MAST4: variants seen among roughly 807,000 people sequenced by gnomAD.
MAST4 encodes the protein microtubule-associated serine/threonine-protein kinase 4.
In MAST4, 89 loss-of-function variants were observed where a neutral mutation model predicts 162.7. The observed-to-expected ratio is 0.55, with a 90% CI of 0.46 to 0.65. MAST4 has a LOEUF of 0.65. Ranked by LOEUF, MAST4 falls within the 30% of genes least tolerant of loss-of-function variation. The pLI, the probability that MAST4 is intolerant of heterozygous loss-of-function variation, is 0.00. For missense variants in MAST4, 3,153 were observed against 3,374.0 expected (o/e 0.93, Z 1.62); for synonymous variants, 1,479 against 1,361.1 (o/e 1.09, Z -1.91).
chr5:66,921,238 A>G (rs557754415), intron 4 of MAST4, among the ~76,000 whole-genome samples: 3 of 152,334 alleles, frequency 2.0e-5, no homozygotes, highest in East Asian at 3.9e-4. Flanking sequence ...GGTACTAAGC[A>G]AATGAGTATT....
At chr5:66,952,091 G>A (rs1041164238) in intron 4 of MAST4, among the ~76,000 whole-genome samples, 2 of 152,110 alleles carry the variant, frequency 1.3e-5, no homozygotes, top group African/African-American at 4.8e-5. Flanking sequence ...CTTGAGAAGA[G>A]GTGTACAGGT....
chr5:66,960,397 C>G (rs1561481462), intron 4 of MAST4, among the ~76,000 whole-genome samples: 1 of 152,174 alleles, frequency 6.6e-6, no homozygotes, highest in Non-Finnish European at 1.5e-5. Context: ...AGGGCTCTCA[C>G]AACCTTCTTG....
intron 3 of MAST4, among the ~76,000 whole-genome samples, chr5:66,873,635 T>G (rs1761095705): frequency 6.6e-6 from 1 of 152,246 alleles, no homozygotes; most frequent in South Asian, 2.1e-4. Flanking sequence ...ACCAGCTCTG[T>G]GGACTTGGGT....
chr5:67,066,954 A>G (rs1760317087), intron 5 of MAST4, among the ~76,000 whole-genome samples: 1 of 152,190 alleles, frequency 6.6e-6, no homozygotes. Context: ...CCTCTCCAGT[A>G]TGTTCTCCCT....
intron 4 of MAST4, among the ~76,000 whole-genome samples, chr5:67,038,155 G>A (rs931371394): frequency 6.6e-6 from 1 of 151,630 alleles, no homozygotes; most frequent in Non-Finnish European, 1.5e-5. Flanking sequence ...TGTCTACCTG[G>A]CTATTGAAAT....
chr5:66,838,755 C>T (rs1031629143), intron 3 of MAST4, among the ~76,000 whole-genome samples: 2 of 152,094 alleles, frequency 1.3e-5, no homozygotes, highest in Non-Finnish European at 2.9e-5. Flanking sequence ...ACAGTGTGTG[C>T]AAGGTGTGGT....
At chr5:66,985,983 G>A (rs1749440078) in intron 4 of MAST4, among the ~76,000 whole-genome samples, 1 of 152,150 alleles carries the variant, frequency 6.6e-6, no homozygotes, top group Admixed American at 6.5e-5. Context: ...AACATATATT[G>A]ATTGCCAATA....
chr5:67,044,927 G>A (rs753253804), intron 4 of MAST4, among the ~76,000 whole-genome samples: 3 of 152,136 alleles, frequency 2.0e-5, no homozygotes, highest in Non-Finnish European at 4.4e-5. Flanking sequence ...GTTCCAGTAG[G>A]ATGTTTCATA....
At chr5:66,698,460 A>G (rs912676874) in intron 1 of MAST4, among the ~76,000 whole-genome samples, 5 of 142,356 alleles carry the variant, frequency 3.5e-5, no homozygotes, top group Non-Finnish European at 7.5e-5. Context: ...CTGCTTCTCT[A>G]TCTCTTTTAC....
At chr5:67,038,324 A>G (rs1756294829) in intron 4 of MAST4, among the ~76,000 whole-genome samples, 1 of 151,822 alleles carries the variant, frequency 6.6e-6, no homozygotes, top group Non-Finnish European at 1.5e-5. Context: ...CCAGTTATAC[A>G]AAGTCACTTA....
chr5:66,634,437 G>C (rs1744977623), intron 1 of MAST4, among the ~76,000 whole-genome samples: 1 of 152,180 alleles, frequency 6.6e-6, no homozygotes, highest in African/African-American at 2.4e-5. Flanking sequence ...TGACCACACA[G>C]CCACAAGGCC....
intron 3 of MAST4, among the ~76,000 whole-genome samples, chr5:66,853,663 A>G (rs918555692): frequency 6.6e-6 from 1 of 152,250 alleles, no homozygotes; most frequent in Non-Finnish European, 1.5e-5. Flanking sequence ...AAAATATTAC[A>G]GAATGTTTGG....
At chr5:66,640,330 C>T (rs7733211) in intron 1 of MAST4, among the ~76,000 whole-genome samples, 2,303 of 143,638 alleles carry the variant, frequency 0.016, 63 homozygotes, top group African/African-American at 0.058. Context: ...TTTTTTGAGA[C>T]GGAGTCTCGC....
intron 4 of MAST4, chr5:66,902,595 AT>A: frequency 2.7e-6 from 1 of 365,382 alleles, no homozygotes; most frequent in Non-Finnish European, 5.6e-6. Flanking sequence ...ATTTACAATC[AT>A]TTTAATGAGA....
chr5:67,029,061 G>A (rs565405244), intron 4 of MAST4, among the ~76,000 whole-genome samples: 1 of 152,088 alleles, frequency 6.6e-6, no homozygotes, highest in East Asian at 1.9e-4. Context: ...CTTGAGCCTG[G>A]GAGGTTGAGA....
rs55969676 is a variant in MAST4 at position 67,145,241 on chromosome 5, G to A, written c.2956G>A (p.Glu986Lys). The A allele has an allele frequency of 0.011, 17,644 of 1,613,824 alleles. 128 individuals are homozygous for A. Among genetic ancestry groups the A allele is most frequent in the Non-Finnish European group, 0.014 (15,994 of 1,179,810 alleles). The change falls in exon 23 of 29, where the codon GAG (glutamate) becomes AAG (lysine). Residue 986 changes from glutamate to lysine, a missense_variant. This residue lies in a region of MAST4 where 619 missense variants were observed against 744.2 expected (regional missense o/e 0.83). Coordinates refer to ENST00000403625, the MANE Select transcript of MAST4 (RefSeq NM_001164664.2). Reference sequence around the variant, plus strand: ...CAAACTGGCTATTTCAACAGAGGGAGAGCAAGATGAAGCTGCCTCCTGCCC... The same window carrying A: ...CAAACTGGCTATTTCAACAGAGGGAAAGCAAGATGAAGCTGCCTCCTGCCC... ...LPKLAISTEG[E>K]QDEAASCPGD...
In MAST4 at chr5:66,726,247, G is replaced by A. The variant is rs558702231; in HGVS notation, c.364-33462G>A. 3.8e-4 allele frequency among the ~76,000 whole-genome samples: 58 copies of A among 152,146 alleles called. 1 individual carries two copies. Among genetic ancestry groups the A allele is most frequent in the South Asian group, 2.1e-4 (1 of 4,810 alleles). Reference sequence around the variant, plus strand: ...AAATCCTTCTTGCCTAGTGGAAGTGGCAGGTGTATAGGTAATCTAATTTTC... The same window carrying A: ...AAATCCTTCTTGCCTAGTGGAAGTGACAGGTGTATAGGTAATCTAATTTTC... On this transcript the variant is annotated intron_variant, in intron 1 of 28. Coordinates refer to ENST00000403625, the MANE Select transcript of MAST4 (RefSeq NM_001164664.2).
chr5:66,676,961 G>C (rs1224783859), intron 1 of MAST4, among the ~76,000 whole-genome samples: 1 of 152,082 alleles, frequency 6.6e-6, no homozygotes, highest in East Asian at 1.9e-4. Context: ...TGGGCTAAAG[G>C]GTTTATAAAA....
intron 4 of MAST4, among the ~76,000 whole-genome samples, chr5:66,930,186 C>A (rs1742029561): frequency 6.6e-6 from 1 of 152,178 alleles, no homozygotes; most frequent in South Asian, 2.1e-4. Flanking sequence ...TGAAACTGTG[C>A]CCCCTTTAGC....
Sources: allele counts gnomAD v4.1 joint callset (sites outside exome capture counted in the v4.1 genomes callset), GRCh38; gene constraint gnomAD v4.1.1; regional missense constraint gnomAD v4.1.1; transcripts MANE v1.5; gene names NCBI Gene and HGNC (gene_info 2026-07-23, HGNC 2026-07-21).